The following CREBBP variants were observed in gnomAD, a reference collection of about 807,000 sequenced individuals.
The protein encoded by CREBBP is CREB binding lysine acetyltransferase.
Under a neutral mutation model 265.0 loss-of-function variants are expected in CREBBP, and 19 were observed. The observed-to-expected ratio is 0.07, with a 90% CI of 0.05 to 0.11. The LOEUF (loss-of-function observed/expected upper bound fraction) is 0.11. Among genes scored for constraint, CREBBP ranks in the 10% least tolerant of loss-of-function variants. CREBBP has a pLI of 1.00. For synonymous variants in CREBBP, 1,457 were observed against 1,223.7 expected (o/e 1.19, Z -3.98); for missense variants, 2,525 against 3,219.0 (o/e 0.78, Z 5.22).
rs577634644 is a variant in CREBBP at position 3,763,620 on chromosome 16, G to A, written c.3250+4100C>T. 2.6e-5 allele frequency among the ~76,000 whole-genome samples: 4 copies of A among 151,232 alleles called. No homozygotes were observed. In the East Asian group the frequency reaches 7.9e-4, roughly 30 times the overall value. ...TTGGGATTACAGGCATGCGCCACCAGGCCCGACTAATTTTTGTATTTTTAG... is the reference window on the plus strand; with the variant it reads ...TTGGGATTACAGGCATGCGCCACCAAGCCCGACTAATTTTTGTATTTTTAG... On this transcript the variant is annotated intron_variant, in intron 16 of 30. Coordinates refer to ENST00000262367, the MANE Select transcript of CREBBP (RefSeq NM_004380.3).
intron 3 of CREBBP, among the ~76,000 whole-genome samples, chr16:3,807,699 T>C (rs899426840): frequency 1.3e-5 from 2 of 152,186 alleles, no homozygotes; most frequent in African/African-American, 4.8e-5. Context: ...AGTCTCAACT[T>C]GCTCAGCTGT....
At chr16:3,809,793 T>C (rs1240946027) in intron 3 of CREBBP, among the ~76,000 whole-genome samples, 7 of 152,148 alleles carry the variant, frequency 4.6e-5, no homozygotes, top group African/African-American at 1.7e-4. Context: ...AGCAACTTTT[T>C]CTGAACATAA....
chr16:3,747,747 G>C (rs574540841), intron 21 of CREBBP, among the ~76,000 whole-genome samples: 2 of 152,186 alleles, frequency 1.3e-5, no homozygotes, highest in African/African-American at 2.4e-5. Context: ...TGGATCACGA[G>C]GTCAGGAGTT....
chr16:3,736,912 C>G (rs2052075569), intron 26 of CREBBP, 97 bp from the exon 27 acceptor site: 17 of 1,406,184 alleles, frequency 1.2e-5, no homozygotes, highest in Non-Finnish European at 1.5e-5. Flanking sequence ...AAAGCCAGGA[C>G]AGAAGTAACC....
intron 20 of CREBBP, 49 bp from the exon 21 acceptor site, chr16:3,749,732 T>C: frequency 1.6e-6 from 2 of 1,288,858 alleles, no homozygotes; most frequent in South Asian, 2.5e-5. Flanking sequence ...ATTTATCTGT[T>C]GAGTATAAAC....
At chr16:3,745,648 A>C in intron 21 of CREBBP, 1 of 461,846 alleles carries the variant, frequency 2.2e-6, no homozygotes, top group South Asian at 2.1e-5. Flanking sequence ...CGACAAATAC[A>C]TATTTCACAG....
Position 3,777,674 on chromosome 16 carries a change from AAAAC to A in CREBBP, c.2114-21_2114-18del. 2 of 1,613,770 alleles carry A rather than the reference AAAAC, an allele frequency of 1.2e-6. No homozygotes were observed. Among genetic ancestry groups the A allele is most frequent in the Non-Finnish European group, 1.7e-6 (2 of 1,179,842 alleles). On this transcript the variant is annotated intron_variant, in intron 10 of 30. Coordinates refer to ENST00000262367, the MANE Select transcript of CREBBP (RefSeq NM_004380.3). ...GGGGTCCATCTATGGTGGCAAAACA[AAAAC>A]AAAAACAAAACCACCCTAGTTATTT...
At chr16:3,737,470 C>T (rs555871510) in intron 26 of CREBBP, among the ~76,000 whole-genome samples, 132 of 143,240 alleles carry the variant, frequency 9.2e-4, no homozygotes, top group Middle Eastern at 3.5e-3. Context: ...TTTTTTTTTG[C>T]GGGCGGGGGG....
At chr16:3,746,788 T>C (rs2052353000) in intron 21 of CREBBP, among the ~76,000 whole-genome samples, 1 of 151,924 alleles carries the variant, frequency 6.6e-6, no homozygotes, top group Non-Finnish European at 1.5e-5. Flanking sequence ...CTACAAAAAA[T>C]TTAAAAATTA....
At position 3,728,595 on chromosome 16, in the gene CREBBP, C is replaced by A. The variant is rs749783719; in HGVS notation, c.6452G>T (p.Arg2151Leu). Residue 2151 changes from arginine to leucine, a missense_variant, in exon 31 of 31, where the codon CGG becomes CTG. Arg to Leu is a moderately radical substitution (Grantham distance 102, BLOSUM62 -2). Transcript: ENST00000262367. This position sits in a 1 kb window ranked among gnomAD's most constrained non-coding sequence, Gnocchi z 8.7. ...CTGCTGCTGTGGAGGCACACCGGGC[C>A]GCGGCACGCCAGCCTGCATGGCATT... ...NLNAMQAGVPRPGVPPQQQAM... is the reference protein window; with the variant it reads ...NLNAMQAGVPLPGVPPQQQAM... 9 of 1,613,638 alleles carry A rather than the reference C, an allele frequency of 5.6e-6. No homozygotes were observed. The highest frequency in any genetic ancestry group is 5.0e-5 in the Admixed American group (3 of 59,992).
At chr16:3,798,901 T>C (rs1019494710) in intron 3 of CREBBP, among the ~76,000 whole-genome samples, 2 of 152,192 alleles carry the variant, frequency 1.3e-5, no homozygotes, top group Non-Finnish European at 1.5e-5. Flanking sequence ...AACAGCCTTT[T>C]ACAAATAGCC....
Position 3,850,328 on chromosome 16 carries a change from A to C in CREBBP, c.767T>G (p.Leu256Arg). 1 of 1,614,246 alleles carries C rather than the reference A, an allele frequency of 6.2e-7. No homozygotes were observed. Among genetic ancestry groups the C allele is most frequent in the Non-Finnish European group, 8.5e-7 (1 of 1,180,048 alleles). ...VSPQMTGHAG[L>R]NTAQAGGMAK... ...CATGCCTCCTGCCTGTGCGGTGTTCAGTCCCGCGTGACCAGTCATTTGCGG... is the reference window on the plus strand; with the variant it reads ...CATGCCTCCTGCCTGTGCGGTGTTCCGTCCCGCGTGACCAGTCATTTGCGG... The change falls in exon 2 of 31, where the codon CTG becomes CGG. Residue 256 changes from leucine to arginine, a missense_variant. Physicochemically the swap from Leu to Arg is moderately radical, Grantham distance 102. Transcript: ENST00000262367.
At chr16:3,823,634 G>C (rs776676461) in intron 2 of CREBBP, among the ~76,000 whole-genome samples, 1 of 152,120 alleles carries the variant, frequency 6.6e-6, no homozygotes, top group African/African-American at 2.4e-5. Flanking sequence ...TTGGCTCTTG[G>C]TACCACAAAG....
chr16:3,736,327 C>T (rs2052058978), intron 27 of CREBBP, 124 bp from the exon 28 acceptor site: 2 of 1,022,190 alleles, frequency 2.0e-6, no homozygotes, highest in South Asian at 1.3e-5. Flanking sequence ...GCATGTGTGC[C>T]CCCCCACCAC....
intron 2 of CREBBP, among the ~76,000 whole-genome samples, chr16:3,833,973 A>G (rs183482470): frequency 9.2e-5 from 14 of 152,344 alleles, no homozygotes; most frequent in Admixed American, 9.1e-4. Context: ...AGACCTTAAC[A>G]TACACCTCAT....
rs2051845775 is a variant in CREBBP at position 3,729,305 on chromosome 16, C to T, written c.5742G>A (p.Val1914=). Residue 1914 remains valine, a synonymous_variant, in exon 31 of 31, where the codon GTG becomes GTA. Coordinates refer to ENST00000262367, the MANE Select transcript of CREBBP (RefSeq NM_004380.3). ...TGGGGAAGCCAGCTGGTGACATGCT[C>T]ACGGGTGAGGGTTGGGGCTGGGCAG... ...QPPAQPQPSP[V]SMSPAGFPSV... 1.3e-6 allele frequency: 2 copies of T among 1,548,826 alleles called. No homozygotes were observed. Among genetic ancestry groups the T allele is most frequent in the African/African-American group, 1.4e-5 (1 of 73,394 alleles).
chr16:3,773,642 G>A, intron 13 of CREBBP, 109 bp downstream of exon 13: 2 of 1,152,590 alleles, frequency 1.7e-6, no homozygotes, highest in African/African-American at 1.5e-5. Context: ...GACATGAAAT[G>A]TGCATTCTGG....
intron 2 of CREBBP, among the ~76,000 whole-genome samples, chr16:3,836,139 G>A (rs749394943): frequency 6.6e-6 from 1 of 151,732 alleles, no homozygotes; most frequent in Non-Finnish European, 1.5e-5. Context: ...GCAATTCATG[G>A]TTACAGAAAT....
In CREBBP at chr16:3,728,732, T is replaced by G; in HGVS notation, c.6315A>C (p.Thr2105=). ...QLMAAFIKQR[T]AKYVANQPGM... ...CGGGCTGATTGGCCACGTACTTGGC[T>G]GTGCGCTGTTTGATGAAAGCTGCCA... The change falls in exon 31 of 31, where the codon ACA becomes ACC. Residue 2105 remains threonine (T), a synonymous_variant. Transcript: ENST00000262367. This position sits in a 1 kb window ranked among gnomAD's most constrained non-coding sequence, Gnocchi z 8.7. The G allele has an allele frequency of 1.9e-6, 3 of 1,613,916 alleles. 1 individual carries two copies. The East Asian group carries it at 6.7e-5, about 36-fold the overall frequency.
Sources: gnomAD v4.1 joint callset for allele counts (sites outside exome capture counted in the v4.1 genomes callset) on GRCh38, gnomAD v4.1.1 for gene constraint, Gnocchi (gnomAD v3.1) non-coding constraint, MANE v1.5 for transcripts, NCBI Gene and HGNC (gene_info 2026-07-23, HGNC 2026-07-21) for gene names.